The following CNPY1 variants were observed in gnomAD, a reference collection of about 807,000 sequenced individuals.
CNPY1 encodes the protein protein canopy homolog 1.
Under a neutral mutation model 14.4 loss-of-function variants are expected in CNPY1, and 14 were observed. The ratio of observed to expected loss-of-function variants is 0.97; its 90% CI spans 0.64 to 1.52. The LOEUF (loss-of-function observed/expected upper bound fraction) is 1.52, where lower values mean the gene tolerates loss of function less well. CNPY1 is among the 40% of genes most tolerant of loss of function. The pLI, the probability that CNPY1 is intolerant of heterozygous loss-of-function variation, is 0.00. For missense variants in CNPY1, 129 were observed against 131.5 expected (o/e 0.98, Z 0.09); for synonymous variants, 43 against 46.5 (o/e 0.92, Z 0.31).
intron 2 of CNPY1, among the ~76,000 whole-genome samples, chr7:155,520,428 C>CTTTT (rs71522007): frequency 5.6e-3 from 392 of 69,434 alleles, no homozygotes; most frequent in Non-Finnish European, 6.7e-3. Flanking sequence ...TTCTTTCTTT[C>CTTTT]TTTTTTTTTT....
At chr7:155,531,742 CAG>C (rs1796940784) in intron 2 of CNPY1, among the ~76,000 whole-genome samples, 1 of 152,240 alleles carries the variant, frequency 6.6e-6, no homozygotes, top group Non-Finnish European at 1.5e-5. Context: ...AGACAGCAAA[CAG>C]GGAATCCCAG....
Position 155,536,508 on chromosome 7 carries a change from C to T in CNPY1, c.99+9323G>A, listed in dbSNP as rs4568502. 0.42 allele frequency among the ~76,000 whole-genome samples: 63,758 copies of T among 152,054 alleles called. 15,233 individuals are homozygous for T. The highest frequency in any genetic ancestry group is 0.68 in the East Asian group (3,520 of 5,186). ...TCTTCCTCCTCCTGGACACACAGCT[C>T]GACTGTTTCCAGCCCTTCTTCCAAC... is the stretch of plus-strand genomic sequence containing the variant. On this transcript the variant is annotated intron_variant, in intron 2 of 4. Coordinates refer to ENST00000636446, the MANE Select transcript of CNPY1 (RefSeq NM_001393663.1). This position sits in a 1 kb window ranked among gnomAD's most constrained non-coding sequence, Gnocchi z 4.1.
intron 2 of CNPY1, among the ~76,000 whole-genome samples, chr7:155,540,928 G>T (rs1797077166): frequency 6.6e-6 from 1 of 152,202 alleles, no homozygotes; most frequent in South Asian, 2.1e-4. Context: ...AAATTGTCTT[G>T]TGCTGTGTTG....
rs576723812 is a variant in CNPY1, at chr7:155,534,834, T to C, written c.99+10997A>G. On this transcript the variant is annotated intron_variant, in intron 2 of 4. Transcript: ENST00000636446. ...GAGGGAGCGGGCGCTGGGCGGCTCC[T>C]GAGCAGGAAAGACCAGGCTGGGGAG... 3.3e-5 allele frequency among the ~76,000 whole-genome samples: 5 copies of C among 152,336 alleles called. No individual in the cohort carries two copies. In the South Asian group the frequency reaches 1.0e-3, roughly 32 times the overall value.
chr7:155,510,156 G>T (rs755510188), intron 2 of CNPY1: 12 of 152,248 alleles, frequency 7.9e-5, no homozygotes, highest in Non-Finnish European at 1.5e-4. Flanking sequence ...CCTTTCAGGC[G>T]CAGTATGAAC....
Position 155,502,003 on chromosome 7 carries a change from T to TGGGGGGGGGTGG in CNPY1, c.*1064_*1065insCCACCCCCCCCC, listed in dbSNP as rs60236629. On this transcript the variant is annotated 3_prime_UTR_variant, in exon 5 of 5. Transcript: ENST00000636446. The stretch of plus-strand genomic sequence containing the variant: ...GCAAAGAGTTTTGGGTCGGGGGGGT[T>TGGGGGGGGGTGG]GGGGGGGGGATTTGTAGCATCCTAC... 5.6e-5 allele frequency: 7 copies of TGGGGGGGGGTGG among 125,316 alleles called. No individual in the cohort carries two copies. The highest frequency in any genetic ancestry group is 1.7e-4 in the Admixed American group (2 of 11,902). The allele number at this position is 125,316 out of a possible 1,614,324, so 7.8% of individuals were successfully genotyped here.
intron 2 of CNPY1, among the ~76,000 whole-genome samples, chr7:155,529,360 G>A (rs1171875822): frequency 6.6e-6 from 1 of 152,218 alleles, no homozygotes; most frequent in Non-Finnish European, 1.5e-5. Flanking sequence ...CCTCTGGCCT[G>A]TGTTTGTTTC....
At chr7:155,535,761 G>A (rs1797016224) in intron 2 of CNPY1, among the ~76,000 whole-genome samples, 1 of 152,220 alleles carries the variant, frequency 6.6e-6, no homozygotes, top group South Asian at 2.1e-4. Context: ...TTTGCAGCTG[G>A]AGGGTTCTAT....
intron 2 of CNPY1, among the ~76,000 whole-genome samples, chr7:155,518,969 T>C (rs1480736284): frequency 1.3e-5 from 2 of 152,180 alleles, no homozygotes; most frequent in Non-Finnish European, 2.9e-5. Flanking sequence ...CCAATTCCAG[T>C]TTAGAAATGG....
At chr7:155,544,187 C>T (rs1797133179) in intron 2 of CNPY1, among the ~76,000 whole-genome samples, 1 of 152,220 alleles carries the variant, frequency 6.6e-6, no homozygotes, top group African/African-American at 2.4e-5. Context: ...CTGCACGGCC[C>T]TCCATCCGCT....
intron 2 of CNPY1, among the ~76,000 whole-genome samples, chr7:155,531,012 C>T (rs1021650711): frequency 9.2e-5 from 14 of 152,240 alleles, no homozygotes; most frequent in Non-Finnish European, 1.9e-4. Flanking sequence ...AGGCTGTCTG[C>T]TCTCCAGTCT....
intron 2 of CNPY1, among the ~76,000 whole-genome samples, chr7:155,528,818 T>A (rs1796878667): frequency 6.6e-6 from 1 of 152,206 alleles, no homozygotes; most frequent in Admixed American, 6.5e-5. Flanking sequence ...CCCAGCACTT[T>A]GGGAGGCCAA....
At chr7:155,543,205 G>T (rs534335409) in intron 2 of CNPY1, among the ~76,000 whole-genome samples, 7 of 152,280 alleles carry the variant, frequency 4.6e-5, no homozygotes, top group African/African-American at 1.7e-4. Flanking sequence ...AGCCGGGCCG[G>T]GCTGGGAACA....
intron 2 of CNPY1, among the ~76,000 whole-genome samples, chr7:155,527,059 T>TTCTTTCTTTCTTTCTTTCTTTCTTTC (rs1585323187): frequency 5.6e-5 from 8 of 141,882 alleles, no homozygotes; most frequent in Admixed American, 7.2e-5. Context: ...TCTTTCTTTT[T>TTCTTTCTTTCTTTCTTTCTTTCTTTC]TTTTTTTTTT....
chr7:155,509,879 C>T (rs879933383), intron 2 of CNPY1, among the ~76,000 whole-genome samples: 1 of 152,200 alleles, frequency 6.6e-6, no homozygotes, highest in Admixed American at 6.5e-5. Context: ...AAGAGCACCC[C>T]TCGCCCTTGG....
Position 155,532,470 on chromosome 7 carries a change from A to C in CNPY1, c.99+13361T>G, listed in dbSNP as rs182964484. ...ACCCGTCTCTACTAAAAATACAAAAAATTAGCCGGGCACGGTGGTGGGCGC... is the reference window on the plus strand; with the variant it reads ...ACCCGTCTCTACTAAAAATACAAAACATTAGCCGGGCACGGTGGTGGGCGC... On this transcript the variant is annotated intron_variant, in intron 2 of 4. Transcript: ENST00000636446. 9.3e-4 allele frequency among the ~76,000 whole-genome samples: 140 copies of C among 150,942 alleles called. 4 individuals are homozygous for C. The East Asian group carries it at 0.026, about 28-fold the overall frequency.
Position 155,501,685 on chromosome 7 carries a change from A to G in CNPY1, c.*1383T>C, listed in dbSNP as rs1389610107. 6.6e-6 allele frequency: 1 copy of G among 152,214 alleles called. No homozygotes were observed. Among genetic ancestry groups the G allele is most frequent in the Admixed American group, 6.5e-5 (1 of 15,286 alleles). 9.4% of individuals were successfully genotyped at this position (152,214 alleles called of 1,614,324 possible). ...CCTACCCTACTGGAAAATAGTGTTA[A>G]TTATTATTCAGTTCTATTTCCATCG... On this transcript the variant is annotated 3_prime_UTR_variant, in exon 5 of 5. Transcript: ENST00000636446.
At chr7:155,541,283 C>T (rs557565091) in intron 2 of CNPY1, among the ~76,000 whole-genome samples, 3 of 152,326 alleles carry the variant, frequency 2.0e-5, no homozygotes, top group South Asian at 2.1e-4. Flanking sequence ...AGACGTGGCA[C>T]GTGAATTTCA....
chr7:155,504,704 A>AC (rs1286452519), intron 4 of CNPY1, among the ~76,000 whole-genome samples: 1 of 150,690 alleles, frequency 6.6e-6, no homozygotes, highest in African/African-American at 2.4e-5. Context: ...ACACACACAC[A>AC]CACACACACA....
Sources: allele counts gnomAD v4.1 joint callset (sites outside exome capture counted in the v4.1 genomes callset), GRCh38; gene constraint gnomAD v4.1.1; non-coding constraint Gnocchi (gnomAD v3.1); transcripts MANE v1.5; gene names NCBI Gene and HGNC (gene_info 2026-07-23, HGNC 2026-07-21).